Variants in ADAM12 observed in about 807,000 individuals in gnomAD.
ADAM12 encodes the protein disintegrin and metalloproteinase domain-containing protein 12.
A neutral mutation model predicts 106.4 loss-of-function variants in ADAM12; 70 were observed. The observed-to-expected ratio is 0.66, with a 90% CI of 0.54 to 0.80. The LOEUF (loss-of-function observed/expected upper bound fraction) is 0.80. Ranked by LOEUF, ADAM12 falls within the 30% of genes least tolerant of loss-of-function variation. The probability of loss-of-function intolerance (pLI) is 0.00; values close to 1 mark genes in which losing one functional copy is unlikely to be tolerated. For synonymous variants in ADAM12, 420 were observed against 433.5 expected (o/e 0.97, Z 0.39); for missense variants, 1,010 against 1,171.9 (o/e 0.86, Z 2.02).
intron 8 of ADAM12, among the ~76,000 whole-genome samples, chr10:126,107,079 T>C (rs1031724889): frequency 3.9e-5 from 6 of 152,180 alleles, no homozygotes; most frequent in African/African-American, 1.2e-4. Flanking sequence ...CATACATGCA[T>C]GCAGGGCACA....
At chr10:126,251,882 TGC>T (rs1958777125) in intron 3 of ADAM12, among the ~76,000 whole-genome samples, 1 of 90,892 alleles carries the variant, frequency 1.1e-5, no homozygotes, top group Non-Finnish European at 2.1e-5. Flanking sequence ...ATGGGATGGA[TGC>T]AATGGATGGA....
chr10:126,377,450 T>C (rs1284622253), intron 1 of ADAM12, among the ~76,000 whole-genome samples: 1 of 152,034 alleles, frequency 6.6e-6, no homozygotes, highest in Non-Finnish European at 1.5e-5. Context: ...GCTAAGTCAG[T>C]CTAGTCTTTT....
At chr10:126,166,507 T>C (rs980761270) in intron 3 of ADAM12, among the ~76,000 whole-genome samples, 2 of 152,156 alleles carry the variant, frequency 1.3e-5, no homozygotes, top group Admixed American at 6.5e-5. Context: ...TTTTGTTTTT[T>C]GTTTTTTTTG....
intron 1 of ADAM12, among the ~76,000 whole-genome samples, chr10:126,368,376 T>C (rs924981884): frequency 1.8e-4 from 25 of 136,588 alleles, no homozygotes; most frequent in African/African-American, 4.8e-4. Flanking sequence ...TTTTTTTTTT[T>C]ACAAAGGACT....
intron 3 of ADAM12, among the ~76,000 whole-genome samples, chr10:126,168,580 T>C (rs1253566507): frequency 6.6e-6 from 1 of 152,176 alleles, no homozygotes; most frequent in East Asian, 1.9e-4. Flanking sequence ...CCAGCCACCA[T>C]TTCCCCTCAC....
In ADAM12 at chr10:126,038,098, C is replaced by T; in HGVS notation, c.2349+143G>A. On this transcript the variant is annotated intron_variant, in intron 20 of 22. Transcript: ENST00000448723. ...CCTCTGGCCCCAGATCACAGAGACC[C>T]TCCCTCAGAGCCTGCTGACCTAGTG... 3.7e-6 allele frequency: 3 copies of T among 811,600 alleles called. No homozygotes were observed. The East Asian group carries it at 8.0e-5, about 22-fold the overall frequency. 50.3% of individuals were successfully genotyped at this position (811,600 alleles called of 1,614,324 possible).
At chr10:126,132,277 CTT>C (rs542394618) in intron 5 of ADAM12, among the ~76,000 whole-genome samples, 163 of 152,230 alleles carry the variant, frequency 1.1e-3, no homozygotes, top group African/African-American at 3.5e-3. Flanking sequence ...CCCCGGGCAG[CTT>C]TTCTCTTCTT....
intron 3 of ADAM12, among the ~76,000 whole-genome samples, chr10:126,263,357 C>T (rs1959037729): frequency 6.6e-6 from 1 of 152,106 alleles, no homozygotes; most frequent in African/African-American, 2.4e-5. Flanking sequence ...AACTCAGGAC[C>T]AGAGAGGTTA....
chr10:126,132,215 C>T (rs1467287799), intron 5 of ADAM12, among the ~76,000 whole-genome samples: 1 of 152,138 alleles, frequency 6.6e-6, no homozygotes, highest in Non-Finnish European at 1.5e-5. Context: ...CCTTGTGATC[C>T]ACCCGCCTCG....
chr10:126,080,242 G>A (rs2133524571), intron 11 of ADAM12, among the ~76,000 whole-genome samples: 1 of 152,276 alleles, frequency 6.6e-6, no homozygotes, highest in Non-Finnish European at 1.5e-5. Context: ...CTTGGGCCAG[G>A]TAGTTGCTCA....
At chr10:126,214,089 A>G (rs1394203487) in intron 3 of ADAM12, among the ~76,000 whole-genome samples, 1 of 152,274 alleles carries the variant, frequency 6.6e-6, no homozygotes, top group Non-Finnish European at 1.5e-5. Context: ...AACAAGAAGC[A>G]TCAATAAGAA....
chr10:126,329,043 C>T (rs1854410514), intron 2 of ADAM12, among the ~76,000 whole-genome samples: 1 of 152,060 alleles, frequency 6.6e-6, no homozygotes, highest in Non-Finnish European at 1.5e-5. Flanking sequence ...AGCAGCTTGT[C>T]CCTCCGATTC....
chr10:126,074,746 TC>T (rs1955065869), intron 11 of ADAM12, among the ~76,000 whole-genome samples: 1 of 152,230 alleles, frequency 6.6e-6, no homozygotes, highest in African/African-American at 2.4e-5. Context: ...AGGAACAGCA[TC>T]CTAGCATTAA....
intron 4 of ADAM12, among the ~76,000 whole-genome samples, chr10:126,136,971 G>A (rs1956416696): frequency 6.6e-6 from 1 of 152,116 alleles, no homozygotes; most frequent in Non-Finnish European, 1.5e-5. Flanking sequence ...CAATCTAAAT[G>A]CATTTGTCGC....
chr10:126,265,620 T>C (rs1050580670), intron 3 of ADAM12, among the ~76,000 whole-genome samples: 1 of 152,162 alleles, frequency 6.6e-6, no homozygotes, highest in African/African-American at 2.4e-5. Context: ...GCCTGTACAC[T>C]GAATTACCTA....
At chr10:126,019,117 G>A (rs1953711956) in intron 22 of ADAM12, among the ~76,000 whole-genome samples, 2 of 152,092 alleles carry the variant, frequency 1.3e-5, no homozygotes, top group Non-Finnish European at 2.9e-5. Flanking sequence ...CATTAAATCT[G>A]GTTGTTTAAA....
intron 2 of ADAM12, among the ~76,000 whole-genome samples, chr10:126,306,566 A>G (rs561753337): frequency 4.4e-4 from 67 of 152,278 alleles, no homozygotes; most frequent in Non-Finnish European, 8.4e-4. Context: ...ATTCTGTTAG[A>G]GACGAATTTT....
At chr10:126,203,935 C>CGA (rs1565136254) in intron 3 of ADAM12, among the ~76,000 whole-genome samples, 1 of 91,412 alleles carries the variant, frequency 1.1e-5, no homozygotes, top group Non-Finnish European at 2.8e-5. Flanking sequence ...AGTGCGCGCG[C>CGA]GCGCGTGTGT....
At chr10:126,289,269 C>T (rs1960034431) in intron 2 of ADAM12, among the ~76,000 whole-genome samples, 1 of 152,268 alleles carries the variant, frequency 6.6e-6, no homozygotes, top group Non-Finnish European at 1.5e-5. Flanking sequence ...CGTGCCCTCT[C>T]CCACTTCCAG....
Sources: gnomAD v4.1 joint callset for allele counts (sites outside exome capture counted in the v4.1 genomes callset) on GRCh38, gnomAD v4.1.1 for gene constraint, MANE v1.5 for transcripts, NCBI Gene and HGNC (gene_info 2026-07-23, HGNC 2026-07-21) for gene names.